The following CRLF2 variants were observed in gnomAD, a reference collection of about 807,000 sequenced individuals.
CRLF2 encodes the protein cytokine receptor like factor 2.
Under a neutral mutation model 38.7 loss-of-function variants are expected in CRLF2, and 41 were observed. That is an observed-to-expected ratio of 1.06 (90% confidence interval 0.83 to 1.37). CRLF2 has a LOEUF of 1.37. Ranked by LOEUF, CRLF2 falls within the 40% of genes most tolerant of loss-of-function variation. The pLI, the probability that CRLF2 is intolerant of heterozygous loss-of-function variation, is 0.00. For synonymous variants in CRLF2, 140 were observed against 128.8 expected (o/e 1.09, Z -0.59); for missense variants, 377 against 322.2 (o/e 1.17, Z -1.30).
rs1395861567 is a variant in CRLF2 at position 1,190,788 on chromosome X, T to C, written c.*109A>G. On this transcript the variant is annotated 3_prime_UTR_variant, in exon 8 of 8. Transcript: ENST00000400841. Reference sequence around the variant, plus strand: ...TCAGAGTCTCCTAGTCCTACCATCATTGGCGTGGAGACTTCCCATCCATGG... The same window carrying C: ...TCAGAGTCTCCTAGTCCTACCATCACTGGCGTGGAGACTTCCCATCCATGG... The C allele has an allele frequency of 5.5e-5, 22 of 398,504 alleles. No individual in the cohort carries two copies. The Middle Eastern group carries it at 1.9e-3, about 34-fold the overall frequency. The allele number at this position is 398,504 out of a possible 1,614,324, so 24.7% of individuals were successfully genotyped here.
At chrX:1,194,342 G>C (rs1221605855) in intron 6 of CRLF2, among the ~76,000 whole-genome samples, 3 of 151,042 alleles carry the variant, frequency 2.0e-5, no homozygotes, top group Non-Finnish European at 4.4e-5. Context: ...GATGCCTGTA[G>C]TCCCAGCTGC....
chrX:1,190,909 G>A lies in CRLF2; in HGVS notation c.1104C>T (p.Tyr368=), dbSNP rs1360470556. Residue 368 remains tyrosine (Y), a synonymous_variant, in exon 8 of 8, where the codon TAC becomes TAT. Coordinates refer to ENST00000400841, the MANE Select transcript of CRLF2 (RefSeq NM_022148.4). ...GFTFVMNDRS[Y]VAL ...AGTGGTGTGTCCATCACAACGCCAC[G>A]TAGGAGCGGTCATTCATCACAAAGG... 2.0e-5 allele frequency: 8 copies of A among 398,568 alleles called. No homozygotes were observed. Among genetic ancestry groups the A allele is most frequent in the Admixed American group, 4.4e-5 (1 of 22,704 alleles). 24.7% of individuals were successfully genotyped at this position (398,568 alleles called of 1,614,324 possible).
chrX:1,193,175 T>G (rs1235517995), intron 7 of CRLF2, 43 bp downstream of exon 7: 50 of 398,354 alleles, frequency 1.3e-4, no homozygotes, highest in African/African-American at 1.0e-3. Context: ...GAGGGGCACC[T>G]GCTTGGTGGA....
intron 6 of CRLF2, among the ~76,000 whole-genome samples, chrX:1,195,840 ATATT>A (rs1255189372): frequency 3.5e-5 from 5 of 141,488 alleles, no homozygotes; most frequent in Non-Finnish European, 7.6e-5. Flanking sequence ...ATTAAATTAT[ATATT>A]TATATATTTT....
At chrX:1,194,180 C>T (rs2086441142) in intron 6 of CRLF2, among the ~76,000 whole-genome samples, 1 of 151,402 alleles carries the variant, frequency 6.6e-6, no homozygotes, top group Non-Finnish European at 1.5e-5. Flanking sequence ...GTCCCAGCTA[C>T]TTGGGATGTT....
Position 1,212,561 on chromosome X carries a change from C to T in CRLF2, c.74G>A (p.Gly25Glu), listed in dbSNP as rs2086824056. 1.2e-6 allele frequency: 2 copies of T among 1,611,546 alleles called. No homozygotes were observed. Among genetic ancestry groups the T allele is most frequent in the South Asian group, 2.2e-5 (2 of 91,008 alleles). ...GAGGGTGTTTAAATAATTACCTGCT[C>T]CTCCTTGCCCCAAAGCCATCCAGCC... is the stretch of plus-strand genomic sequence containing the variant. ...LGGWMALGQG[G>E]AAEGVQIQII... Residue 25 changes from glycine (G) to glutamate (E), a missense_variant, in exon 1 of 8, where the codon GGA (glycine) becomes GAA (glutamate). By Grantham distance (98) the Gly-to-Glu change is moderately conservative. Transcript: ENST00000400841.
chrX:1,205,123 C>G (rs765883261), intron 3 of CRLF2, among the ~76,000 whole-genome samples: 2 of 152,140 alleles, frequency 1.3e-5, no homozygotes, highest in African/African-American at 4.8e-5. Flanking sequence ...CACCGCGCCC[C>G]GCCTTTAATT....
Position 1,191,334 on chromosome X carries a change from TTTCTTTCTTTCC to T in CRLF2, c.853-186_853-175del, listed in dbSNP as rs1429785705. Among the ~76,000 whole-genome samples the T allele has an allele frequency of 5.3e-3, 635 of 119,534 alleles. 19 individuals are homozygous for T. Among genetic ancestry groups the T allele is most frequent in the African/African-American group, 0.017 (556 of 33,166 alleles). 78.4% of individuals were successfully genotyped at this position (119,534 alleles called of 152,430 possible). A position where few individuals can be genotyped will look rare whatever the true frequency, so the allele number is the denominator to read the frequency against. ...CTTTCTTTCTTTCTTTCTTTCTTTC[TTTCTTTCTTTCC>T]TTCTTTCTTTCTTTCCTTTCTTTCT... On this transcript the variant is annotated intron_variant, in intron 7 of 7. Coordinates refer to ENST00000400841, the MANE Select transcript of CRLF2 (RefSeq NM_022148.4).
chrX:1,209,985 TC>T (rs1481266925), intron 1 of CRLF2, among the ~76,000 whole-genome samples: 2 of 151,038 alleles, frequency 1.3e-5, no homozygotes, highest in Non-Finnish European at 1.5e-5. Flanking sequence ...GTACCTGTAA[TC>T]CCAGCTACCT....
chrX:1,204,150 C>CTGTGTGTGTGTGTG (rs782552615), intron 3 of CRLF2, among the ~76,000 whole-genome samples: 3,591 of 124,636 alleles, frequency 0.029, 106 homozygotes, highest in African/African-American at 0.043. Context: ...CCAGCTCACT[C>CTGTGTGTGTGTGTG]TGTGTGTGTG....
chrX:1,197,651 T>C (rs1477523781), intron 5 of CRLF2, among the ~76,000 whole-genome samples: 1 of 151,510 alleles, frequency 6.6e-6, no homozygotes, highest in Non-Finnish European at 1.5e-5. Flanking sequence ...CCATCCCTAC[T>C]AAAAATACAA....
chrX:1,207,561 C>T (rs1260807395), intron 2 of CRLF2, among the ~76,000 whole-genome samples: 4 of 141,520 alleles, frequency 2.8e-5, no homozygotes, highest in African/African-American at 1.1e-4. Flanking sequence ...AACACCCCCC[C>T]CAAGAACTGC....
At chrX:1,199,552 C>T (rs1363599770) in intron 4 of CRLF2, among the ~76,000 whole-genome samples, 1 of 152,130 alleles carries the variant, frequency 6.6e-6, no homozygotes. Flanking sequence ...CCACCCTCCT[C>T]GGCCTCCCAA....
intron 4 of CRLF2, chrX:1,199,059 G>A (rs1338063614): frequency 1.5e-5 from 6 of 413,472 alleles, no homozygotes; most frequent in Non-Finnish European, 2.8e-5. Context: ...TGAGGCAGGA[G>A]AATCGCTTGA....
Position 1,201,410 on chromosome X carries a change from A to T in CRLF2, c.483+992T>A, listed in dbSNP as rs1334187420. On this transcript the variant is annotated intron_variant, in intron 4 of 7. Transcript: ENST00000400841. ...TAGAGATAGGACTAGAGGTAGACAGATAAAGAAATGATAGATACATAGATA... is the reference window on the plus strand; with the variant it reads ...TAGAGATAGGACTAGAGGTAGACAGTTAAAGAAATGATAGATACATAGATA... Among the ~76,000 whole-genome samples the T allele has an allele frequency of 1.2e-4, 18 of 150,406 alleles. No homozygotes were observed. The East Asian group carries it at 3.3e-3, about 28-fold the overall frequency.
At chrX:1,202,963 T>G (rs1315266220) in intron 3 of CRLF2, among the ~76,000 whole-genome samples, 1 of 151,836 alleles carries the variant, frequency 6.6e-6, no homozygotes, top group African/African-American at 2.4e-5. Context: ...ACAGGCATGG[T>G]GGCCAGCGCT....
chrX:1,190,849 TA>T lies in CRLF2; in HGVS notation c.*47del, dbSNP rs2086361545. 1 of 398,558 alleles carries T rather than the reference TA, an allele frequency of 2.5e-6. No individual in the cohort carries two copies. The highest frequency in any genetic ancestry group is 2.1e-5 in the African/African-American group (1 of 48,642). 24.7% of individuals were successfully genotyped at this position (398,558 alleles called of 1,614,324 possible). On this transcript the variant is annotated 3_prime_UTR_variant, in exon 8 of 8. Coordinates refer to ENST00000400841, the MANE Select transcript of CRLF2 (RefSeq NM_022148.4). ...TCCCCGGGACAGTCCCCTCTGTCTT[TA>T]AATGTCAACGTGGATCCTGACGTTG...
In CRLF2 at chrX:1,198,736, T is replaced by TACACATAAACACACACACAC. The variant is rs760783098; in HGVS notation, c.484-13_484-12insGTGTGTGTGTGTTTATGTGT. 1 of 755,346 alleles carries TACACATAAACACACACACAC rather than the reference T, an allele frequency of 1.3e-6. No homozygotes were observed. The highest frequency in any genetic ancestry group is 2.0e-5 in the African/African-American group (1 of 50,506). 46.8% of individuals were successfully genotyped at this position (755,346 alleles called of 1,614,324 possible). The stretch of plus-strand genomic sequence containing the variant: ...TTTTCCTGTTTGGACTGGAGAAACA[T>TACACATAAACACACACACAC]ACACACACACACACACACACACACA... On this transcript the variant is annotated splice_polypyrimidine_tract_variant and intron_variant, in intron 4 of 7. Coordinates refer to ENST00000400841, the MANE Select transcript of CRLF2 (RefSeq NM_022148.4).
chrX:1,203,591 G>A (rs1476312280), intron 3 of CRLF2, among the ~76,000 whole-genome samples: 1 of 151,012 alleles, frequency 6.6e-6, no homozygotes, highest in East Asian at 2.0e-4. Context: ...GAGACACAGA[G>A]GAGAAGGCCA....
Sources: gnomAD v4.1 joint callset for allele counts (sites outside exome capture counted in the v4.1 genomes callset) on GRCh38, gnomAD v4.1.1 for gene constraint, MANE v1.5 for transcripts, NCBI Gene and HGNC (gene_info 2026-07-23, HGNC 2026-07-21) for gene names.